Variants in MSLN observed in about 807,000 individuals in gnomAD.
MSLN encodes mesothelin.
Under a neutral mutation model 72.6 loss-of-function variants are expected in MSLN, and 82 were observed. The observed-to-expected ratio is 1.13, with a 90% confidence interval of 0.94 to 1.36. MSLN has a LOEUF of 1.36. Ranked by LOEUF, MSLN falls within the 40% of genes most tolerant of loss-of-function variation. MSLN has a pLI of 0.00. For missense variants in MSLN, 1,005 were observed against 847.9 expected, an observed-to-expected ratio of 1.19 and a Z score of -2.30; for synonymous variants, 456 against 387.3, an observed-to-expected ratio of 1.18 and a Z score of -2.08.
rs762079946 is a variant in MSLN, at chr16:764,715, G to A, written c.369G>A (p.Leu123=). Reference sequence around the variant, plus strand: ...TGGACGCCCTCCCATTGGACCTGCTGCTATTCCTCAAGTAGGCCCTGCCCC... The same window carrying A: ...TGGACGCCCTCCCATTGGACCTGCTACTATTCCTCAAGTAGGCCCTGCCCC... ...EDLDALPLDL[L]LFLNPDAFSG... is the part of the protein sequence containing the mutation. Residue 123 remains leucine, a synonymous_variant, in exon 7 of 18, where the codon CTG becomes CTA. Transcript: ENST00000545450. 17 of 1,611,272 alleles carry A rather than the reference G, an allele frequency of 1.1e-5. 1 individual carries two copies. The highest frequency in any genetic ancestry group is 1.7e-5 in the Admixed American group (1 of 59,992).
At position 767,434 on chromosome 16, in the gene MSLN, G is replaced by C; in HGVS notation, c.1560G>C (p.Leu520Phe). 1 of 1,605,984 alleles carries C rather than the reference G, an allele frequency of 6.2e-7. No individual in the cohort carries two copies. The highest frequency in any genetic ancestry group is 2.2e-5 in the East Asian group (1 of 44,528). ...GTCAGCAGAATGTGAGCATGGACTT[G>C]GCCACGTTCATGAAGCTGCGGACGG... is the stretch of plus-strand genomic sequence containing the variant. ...ALSQQNVSMDLATFMKLRTDA... is the reference protein window; with the variant it reads ...ALSQQNVSMDFATFMKLRTDA... Residue 520 changes from leucine (L) to phenylalanine (F), a missense_variant, in exon 16 of 18, where the codon TTG becomes TTC. By Grantham distance (22) the Leu-to-Phe change is conservative. Coordinates refer to ENST00000545450, the MANE Select transcript of MSLN (RefSeq NM_005823.6).
intron 12 of MSLN, 45 bp from the exon 13 acceptor site, chr16:766,290 C>A (rs1345820361): frequency 4.3e-6 from 7 of 1,610,248 alleles, no homozygotes; most frequent in Admixed American, 1.7e-5. Context: ...CCATCCCCAG[C>A]CCCTCTGGGA....
chr16:764,385 G>C (rs2041576010), intron 6 of MSLN, among the ~76,000 whole-genome samples: 1 of 152,214 alleles, frequency 6.6e-6, no homozygotes, highest in Admixed American at 6.5e-5. Context: ...CCCTCCTGGA[G>C]CGCCGTGGGC....
chr16:764,292 C>T (rs1324452473), intron 6 of MSLN, 149 bp downstream of exon 6: 1 of 1,176,654 alleles, frequency 8.5e-7, no homozygotes, highest in African/African-American at 1.5e-5. Context: ...CCTCTGGCCA[C>T]CCAAGCTGAC....
At chr16:767,045 A>G in intron 15 of MSLN, 33 bp downstream of exon 15, 1 of 1,611,400 alleles carries the variant, frequency 6.2e-7, no homozygotes, top group Non-Finnish European at 8.5e-7. Context: ...AGGGTGGGCA[A>G]CACAACGGGG....
chr16:763,803 C>CCCCACCCCTCTCCCA (rs2151614345), intron 5 of MSLN, 112 bp downstream of exon 5: 3 of 706,668 alleles, frequency 4.2e-6, no homozygotes, highest in South Asian at 1.8e-5. Flanking sequence ...CTCCTCTGCT[C>CCCCACCCCTCTCCCA]CACCTCAGAT....
rs541134556 is a variant in MSLN at position 763,165 on chromosome 16, C to T, written c.86-68C>T. ...GGGGCGGCCAGGCTCTGCCTCCTTC[C>T]TCCCCTGGGTCAGGGCACAGCCCAG... On this transcript the variant is annotated intron_variant, in intron 3 of 17. Transcript: ENST00000545450. 2.3e-5 allele frequency: 25 copies of T among 1,088,820 alleles called. No homozygotes were observed. The Admixed American group carries it at 3.4e-4, about 15-fold the overall frequency. 67.4% of individuals were successfully genotyped at this position (1,088,820 alleles called of 1,614,324 possible).
chr16:764,230 G>A (rs1018043179), intron 6 of MSLN, 87 bp downstream of exon 6: 72 of 1,493,966 alleles, frequency 4.8e-5, no homozygotes, highest in African/African-American at 4.1e-4. Context: ...TTGCCACCAC[G>A]GTCCCCTCTG....
Position 768,635 on chromosome 16 carries a change from CCT to C in MSLN, c.1784-6_1784-5del, listed in dbSNP as rs778813234. The C allele has an allele frequency of 4.3e-6, 7 of 1,611,270 alleles. No homozygotes were observed. In the South Asian group the frequency reaches 5.5e-5, roughly 13 times the overall value. ...GTGGAGGTGGGCGCTCTGAGTCACC[CCT>C]CTCTCTGTAGAGGCCCTCTCGGGGA... On this transcript the variant is annotated splice_polypyrimidine_tract_variant and intron_variant, in intron 17 of 17. Transcript: ENST00000545450.
intron 16 of MSLN, among the ~76,000 whole-genome samples, chr16:768,124 CG>C (rs925413073): frequency 2.0e-4 from 6 of 29,468 alleles, no homozygotes; most frequent in Non-Finnish European, 3.1e-4. Context: ...GAGGGGCCAA[CG>C]GGGGGTGGGA....
Position 767,475 on chromosome 16 carries a change from G to A in MSLN, c.1596+5G>A, listed in dbSNP as rs774114845. On this transcript the variant is annotated splice_donor_5th_base_variant and intron_variant, in intron 16 of 17. Coordinates refer to ENST00000545450, the MANE Select transcript of MSLN (RefSeq NM_005823.6). ...CTGCGGACGGATGCGGTGCTGGTAT[G>A]GCGAGCGGGAGGAGGGGCGTGTGGA... 4.4e-6 allele frequency: 7 copies of A among 1,587,722 alleles called. No homozygotes were observed. Among genetic ancestry groups the A allele is most frequent in the Non-Finnish European group, 3.4e-6 (4 of 1,171,526 alleles).
intron 11 of MSLN, 67 bp from the exon 12 acceptor site, chr16:765,992 G>A: frequency 1.3e-6 from 2 of 1,492,872 alleles, no homozygotes; most frequent in Non-Finnish European, 1.8e-6. Flanking sequence ...TCATCTCACA[G>A]GAGGTGTGGG....
intron 5 of MSLN, 25 bp from the exon 6 acceptor site, chr16:763,998 G>T (rs1276889830): frequency 6.3e-7 from 1 of 1,594,266 alleles, no homozygotes; most frequent in Admixed American, 1.7e-5. Context: ...GCGATCGTGG[G>T]TGCCCAGCCC....
At chr16:765,387 G>A in intron 9 of MSLN, 84 bp downstream of exon 9, 1 of 1,440,078 alleles carries the variant, frequency 6.9e-7, no homozygotes, top group African/African-American at 1.4e-5. Context: ...CATGCCTCAA[G>A]GCCCAGGGTC....
At chr16:761,357 A>C (rs1356125678) in intron 2 of MSLN, among the ~76,000 whole-genome samples, 183 bp downstream of exon 2, 1 of 152,200 alleles carries the variant, frequency 6.6e-6, no homozygotes, top group Non-Finnish European at 1.5e-5. Context: ...CGGCAGTCCT[A>C]AGGCAGTGCA....
chr16:764,620 T>C, intron 6 of MSLN, 27 bp from the exon 7 acceptor site: 1 of 1,605,320 alleles, frequency 6.2e-7, no homozygotes, highest in Non-Finnish European at 8.5e-7. Flanking sequence ...CTCGAAACGC[T>C]CTGTGCTGGA....
chr16:768,095 G>GGTGGAGGGGCGC (rs1196678231), intron 16 of MSLN, among the ~76,000 whole-genome samples: 137 of 131,268 alleles, frequency 1.0e-3, no homozygotes, highest in East Asian at 2.4e-4. Context: ...GAGAAGCCCT[G>GGTGGAGGGGCGC]GTGGAGGGGC....
chr16:765,442 C>A, intron 9 of MSLN, 85 bp from the exon 10 acceptor site: 1 of 1,440,926 alleles, frequency 6.9e-7, no homozygotes, highest in Non-Finnish European at 9.3e-7. Flanking sequence ...AGCGTCCCCT[C>A]CACAGCCAGG....
Position 766,921 on chromosome 16 carries a change from A to C in MSLN, c.1410A>C (p.Pro470=). The change falls in exon 15 of 18, where the codon CCA becomes CCC. Residue 470 remains proline (P), a synonymous_variant. Coordinates refer to ENST00000545450, the MANE Select transcript of MSLN (RefSeq NM_005823.6). The part of the protein sequence containing the change: ...VRPQDLDTCD[P]RQLDVLYPKA... ...CCCAGGACCTGGACACGTGTGACCC[A>C]AGGCAGCTGGACGTCCTCTATCCCA... 6.2e-7 allele frequency: 1 copy of C among 1,612,546 alleles called. No individual in the cohort carries two copies. Among genetic ancestry groups the C allele is most frequent in the Non-Finnish European group, 8.5e-7 (1 of 1,179,832 alleles).
Sources: allele counts gnomAD v4.1 joint callset (sites outside exome capture counted in the v4.1 genomes callset), GRCh38; gene constraint gnomAD v4.1.1; transcripts MANE v1.5; gene names NCBI Gene and HGNC (gene_info 2026-07-23, HGNC 2026-07-21).